OTUD4: variants seen among roughly 807,000 people sequenced by gnomAD.
OTUD4 encodes the protein OTU domain-containing protein 4.
In OTUD4, 24 loss-of-function variants were observed where a neutral mutation model predicts 130.4. That is an observed-to-expected ratio of 0.18 (90% confidence interval 0.13 to 0.26). OTUD4 has a LOEUF of 0.26. OTUD4 is among the 10% of genes least tolerant of loss of function. The pLI is 1.00. For synonymous variants in OTUD4, 420 were observed against 472.5 expected, an observed-to-expected ratio of 0.89 and a Z score of 1.44; for missense variants, 1,031 against 1,329.4, an observed-to-expected ratio of 0.78 and a Z score of 3.49.
chr4:145,175,392 C>A (rs1209378976), intron 1 of OTUD4, among the ~76,000 whole-genome samples: 1 of 152,132 alleles, frequency 6.6e-6, no homozygotes, highest in Non-Finnish European at 1.5e-5. Flanking sequence ...TTTTTATGCC[C>A]TAAATTGTAA....
At chr4:145,172,233 GA>G (rs1334885419) in intron 2 of OTUD4, among the ~76,000 whole-genome samples, 1 of 152,236 alleles carries the variant, frequency 6.6e-6, no homozygotes, top group Non-Finnish European at 1.5e-5. Flanking sequence ...TCTGAACTGA[GA>G]AATTATATGA....
chr4:145,163,459 C>T (rs1228525893), intron 5 of OTUD4, among the ~76,000 whole-genome samples: 1 of 152,126 alleles, frequency 6.6e-6, no homozygotes, highest in African/African-American at 2.4e-5. Flanking sequence ...GTAAAATTTA[C>T]ACTAGGGAAA....
intron 3 of OTUD4, among the ~76,000 whole-genome samples, chr4:145,166,147 G>GC (rs1751859432): frequency 6.7e-6 from 1 of 150,038 alleles, no homozygotes; most frequent in African/African-American, 2.5e-5. Flanking sequence ...GGCAACAAGA[G>GC]CAAAACTCGG....
At position 145,137,359 on chromosome 4, in the gene OTUD4, G is replaced by C; in HGVS notation, c.*71C>G. ...TTCCAACTGCGGTTTTTACTTTATTGTATTTTTTTTAAAGCCTTCAGAAAC... is the reference window on the plus strand; with the variant it reads ...TTCCAACTGCGGTTTTTACTTTATTCTATTTTTTTTAAAGCCTTCAGAAAC... On this transcript the variant is annotated 3_prime_UTR_variant, in exon 21 of 21. Transcript: ENST00000447906. 1 of 1,325,098 alleles carries C rather than the reference G, an allele frequency of 7.5e-7. No homozygotes were observed. Among genetic ancestry groups the C allele is most frequent in the Admixed American group, 2.2e-5 (1 of 46,228 alleles). The allele number at this position is 1,325,098 out of a possible 1,614,324, so 82.1% of individuals were successfully genotyped here. A position where few individuals can be genotyped will look rare whatever the true frequency, so the allele number is the denominator to read the frequency against.
At chr4:145,145,580 T>C (rs1750782620) in intron 14 of OTUD4, among the ~76,000 whole-genome samples, 1 of 152,202 alleles carries the variant, frequency 6.6e-6, no homozygotes, top group Non-Finnish European at 1.5e-5. Context: ...ACCACCATTC[T>C]GGATCATAGG....
At chr4:145,154,922 C>T (rs1346998244) in intron 10 of OTUD4, among the ~76,000 whole-genome samples, 2 of 152,184 alleles carry the variant, frequency 1.3e-5, no homozygotes, top group Admixed American at 6.5e-5. Flanking sequence ...CTTTAACAAT[C>T]AGCTACTCAA....
rs182328107 is a variant in OTUD4 at position 145,158,507 on chromosome 4, A to C, written c.629+996T>G. Among the ~76,000 whole-genome samples the C allele has an allele frequency of 4.7e-3, 707 of 151,840 alleles. 3 individuals are homozygous for C. Among genetic ancestry groups the C allele is most frequent in the African/African-American group, 0.015 (609 of 41,414 alleles). ...AAAAACAAAACAAAACAAAACAAAAAAAAACAAAAAAAAAACAAATCAAGA... is the reference window on the plus strand; with the variant it reads ...AAAAACAAAACAAAACAAAACAAAACAAAACAAAAAAAAAACAAATCAAGA... On this transcript the variant is annotated intron_variant, in intron 7 of 20. Coordinates refer to ENST00000447906, the MANE Select transcript of OTUD4 (RefSeq NM_001366057.1).
At chr4:145,144,494 A>T in intron 14 of OTUD4, 60 bp from the exon 15 acceptor site, 2 of 1,495,050 alleles carry the variant, frequency 1.3e-6, no homozygotes, top group Non-Finnish European at 1.8e-6. Flanking sequence ...ATACATGAAC[A>T]AATTCTGTAA....
At chr4:145,152,718 CTTT>C (rs376046110) in intron 10 of OTUD4, 83 bp from the exon 11 acceptor site, 34 of 582,898 alleles carry the variant, frequency 5.8e-5, no homozygotes, top group East Asian at 6.8e-5. Context: ...TTTTGCGGTT[CTTT>C]TTTTTTTTTT....
At chr4:145,153,102 G>A (rs1751141175) in intron 10 of OTUD4, among the ~76,000 whole-genome samples, 1 of 151,998 alleles carries the variant, frequency 6.6e-6, no homozygotes, top group South Asian at 2.1e-4. Context: ...AGTTCAAATA[G>A]GTCTACAATC....
chr4:145,146,057 C>G lies in OTUD4; in HGVS notation c.1422+210G>C, dbSNP rs568670618. ...ACAAACCAGTTTACTTGCCTCAACT[C>G]TATCATCAACCTTTTAGTAATATCT... is the stretch of plus-strand genomic sequence containing the variant. On this transcript the variant is annotated intron_variant, in intron 14 of 20. Coordinates refer to ENST00000447906, the MANE Select transcript of OTUD4 (RefSeq NM_001366057.1). The G allele has an allele frequency of 2.3e-3, 802 of 349,162 alleles. 6 individuals are homozygous for G. Among genetic ancestry groups the G allele is most frequent in the African/African-American group, 0.015 (718 of 47,324 alleles). The allele number at this position is 349,162 out of a possible 1,614,324, so 21.6% of individuals were successfully genotyped here.
Position 145,137,810 on chromosome 4 carries a change from TC to T in OTUD4, c.2964del (p.Glu990LysfsTer6). 6.2e-7 allele frequency: 1 copy of T among 1,614,146 alleles called. No homozygotes were observed. Among genetic ancestry groups the T allele is most frequent in the Non-Finnish European group, 8.5e-7 (1 of 1,180,040 alleles). ...ELEPKRTIQS[L>X]KEKTEKVKDP... ...TCTTTTACTTTTTCTGTTTTTTCTT[TC>T]AGGCTTTGAATGGTCCTTTTAGGTT... is the stretch of plus-strand genomic sequence containing the variant. On this transcript the variant is annotated frameshift_variant, in exon 21 of 21. Coordinates refer to ENST00000447906, the MANE Select transcript of OTUD4 (RefSeq NM_001366057.1). LOFTEE classifies it high-confidence loss of function.
At chr4:145,152,251 T>TA (rs781447804) in intron 11 of OTUD4, among the ~76,000 whole-genome samples, 2 of 152,240 alleles carry the variant, frequency 1.3e-5, no homozygotes, top group Admixed American at 6.5e-5. Context: ...AGCTGGAATT[T>TA]ACAGGCATGC....
intron 7 of OTUD4, among the ~76,000 whole-genome samples, chr4:145,156,961 A>G (rs1751324604): frequency 6.6e-6 from 1 of 152,146 alleles, no homozygotes; most frequent in Non-Finnish European, 1.5e-5. Flanking sequence ...ACAGAGGGCC[A>G]GCTTTTCATA....
chr4:145,139,402 A>G (rs1354013117), intron 20 of OTUD4, among the ~76,000 whole-genome samples: 1 of 152,224 alleles, frequency 6.6e-6, no homozygotes, highest in African/African-American at 2.4e-5. Flanking sequence ...ACAAGGACAG[A>G]GTTCTCCAAC....
intron 3 of OTUD4, among the ~76,000 whole-genome samples, chr4:145,169,543 G>A (rs1026152241): frequency 7.9e-5 from 12 of 152,194 alleles, no homozygotes; most frequent in African/African-American, 2.4e-4. Flanking sequence ...GGAGTGCAGC[G>A]GCACAATCTC....
In OTUD4 at chr4:145,137,847, A is replaced by G. The variant is rs1397316814; in HGVS notation, c.2928T>C (p.Pro976=). 6.2e-7 allele frequency: 1 copy of G among 1,614,140 alleles called. No homozygotes were observed. Among genetic ancestry groups the G allele is most frequent in the Non-Finnish European group, 8.5e-7 (1 of 1,180,024 alleles). ...TGGTCCTTTTAGGTTCAAGTTCAACAGGCACAGTTTCTCTCTCTCTGTTTA... is the reference window on the plus strand; with the variant it reads ...TGGTCCTTTTAGGTTCAAGTTCAACGGGCACAGTTTCTCTCTCTCTGTTTA... ...QILNRERETV[P]VELEPKRTIQ... Residue 976 remains proline, a synonymous_variant, in exon 21 of 21, where the codon CCT becomes CCC. Coordinates refer to ENST00000447906, the MANE Select transcript of OTUD4 (RefSeq NM_001366057.1).
chr4:145,156,760 G>A (rs1751315370), intron 7 of OTUD4, among the ~76,000 whole-genome samples: 1 of 151,756 alleles, frequency 6.6e-6, no homozygotes, highest in Non-Finnish European at 1.5e-5. Context: ...TAAATTCACT[G>A]TCACATACAC....
At chr4:145,165,488 T>G (rs1014349341) in intron 3 of OTUD4, among the ~76,000 whole-genome samples, 1 of 152,166 alleles carries the variant, frequency 6.6e-6, no homozygotes, top group East Asian at 1.9e-4. Flanking sequence ...GAGACTTTTT[T>G]TTTTTTGAGA....
Sources: gnomAD v4.1 joint callset for allele counts (sites outside exome capture counted in the v4.1 genomes callset) on GRCh38, gnomAD v4.1.1 for gene constraint, MANE v1.5 for transcripts, NCBI Gene and HGNC (gene_info 2026-07-23, HGNC 2026-07-21) for gene names.